The following PAK3 variants were observed in gnomAD, a reference collection of about 807,000 sequenced individuals.
The protein encoded by PAK3 is p21 (RAC1) activated kinase 3.
Under a neutral mutation model 41.0 loss-of-function variants are expected in PAK3, and 4 were observed. That is an observed-to-expected ratio of 0.10 (90% CI 0.05 to 0.22). PAK3 has a LOEUF of 0.22. Ranked by LOEUF, PAK3 falls within the 10% of genes least tolerant of loss-of-function variation. The pLI is 1.00. For missense variants in PAK3, 205 were observed against 409.9 expected, an observed-to-expected ratio of 0.50 and a Z score of 4.32; for synonymous variants, 146 against 139.6, an observed-to-expected ratio of 1.05 and a Z score of -0.32.
intron 1 of PAK3, among the ~76,000 whole-genome samples, chrX:110,969,852 G>T (rs754865416): frequency 1.3e-3 from 143 of 111,769 alleles, no homozygotes; most frequent in Non-Finnish European, 1.3e-3. Context: ...GAATTATATT[G>T]TCTATAGCCA....
intron 4 of PAK3, among the ~76,000 whole-genome samples, chrX:111,121,763 C>A (rs1477048337): frequency 9.0e-6 from 1 of 111,709 alleles, no homozygotes; most frequent in East Asian, 2.8e-4. Flanking sequence ...TGAATTCAAA[C>A]TGGGGATTCA....
At chrX:111,172,803 A>G (rs2094360481) in intron 10 of PAK3, among the ~76,000 whole-genome samples, 1 of 111,666 alleles carries the variant, frequency 9.0e-6, no homozygotes, top group South Asian at 3.7e-4. Context: ...TAATTACTAT[A>G]AAACTATTTG....
intron 17 of PAK3, chrX:111,217,384 T>G (rs2094890676): frequency 2.3e-6 from 1 of 436,172 alleles, no homozygotes; most frequent in Admixed American, 3.2e-5. Context: ...TGAAGACATT[T>G]AACATCTAAG....
At chrX:111,022,757 A>C (rs943146089) in intron 1 of PAK3, among the ~76,000 whole-genome samples, 3 of 111,554 alleles carry the variant, frequency 2.7e-5, no homozygotes, top group Non-Finnish European at 5.6e-5. Context: ...AATAGATATG[A>C]ATTCAACAAC....
intron 1 of PAK3, among the ~76,000 whole-genome samples, chrX:110,983,066 T>C (rs2091474676): frequency 1.8e-5 from 2 of 111,655 alleles, no homozygotes; most frequent in African/African-American, 6.5e-5. Flanking sequence ...TGACTTTCCC[T>C]ACAGAAGATG....
At chrX:111,066,012 C>T (rs1467402572) in intron 1 of PAK3, among the ~76,000 whole-genome samples, 2 of 111,851 alleles carry the variant, frequency 1.8e-5, no homozygotes, top group South Asian at 3.7e-4. Context: ...CTTTTGGTTT[C>T]GTTTATTCCT....
At chrX:111,086,061 TTGTGTGTGTG>T (rs754802946) in intron 1 of PAK3, among the ~76,000 whole-genome samples, 18 of 81,759 alleles carry the variant, frequency 2.2e-4, no homozygotes, top group African/African-American at 5.3e-4. Flanking sequence ...TGATGTCAGC[TTGTGTGTGTG>T]TGTGTGTGTG....
At chrX:111,147,676 A>G (rs1165354842) in intron 6 of PAK3, 61 bp from the exon 7 acceptor site, 11 of 836,881 alleles carry the variant, frequency 1.3e-5, no homozygotes, top group Non-Finnish European at 1.8e-5. Flanking sequence ...CTTTACTGGA[A>G]CATAAAAATG....
chrX:111,211,674 CAAA>C (rs200390666), intron 16 of PAK3, among the ~76,000 whole-genome samples: 4 of 55,142 alleles, frequency 7.3e-5, no homozygotes, highest in Admixed American at 4.5e-4. Flanking sequence ...GACTTTGTCT[CAAA>C]AAAAAAAAAA....
chrX:111,216,897 C>T (rs759650172), intron 17 of PAK3: 34 of 745,135 alleles, frequency 4.6e-5, no homozygotes, highest in South Asian at 2.1e-4. Context: ...TGCTCTTGGC[C>T]GGAGGTAATT....
rs771870405 is a variant in PAK3, at chrX:111,134,976, G to C, written c.176-7120G>C. On this transcript the variant is annotated intron_variant, in intron 5 of 17. Coordinates refer to ENST00000372007, the MANE Select transcript of PAK3 (RefSeq NM_002578.5). ...GAGGGCTTATCTATGCCATGCTAAG[G>C]GCTTTAAATTTGATTCTGAAGGCAA... 7.2e-5 allele frequency among the ~76,000 whole-genome samples: 8 copies of C among 111,487 alleles called. No homozygotes were observed. The East Asian group carries it at 2.3e-3, about 32-fold the overall frequency.
intron 1 of PAK3, among the ~76,000 whole-genome samples, chrX:110,996,944 A>T (rs1175187965): frequency 8.9e-6 from 1 of 111,885 alleles, no homozygotes; most frequent in South Asian, 3.8e-4. Flanking sequence ...GGAGATATAA[A>T]TTTTTTGGAG....
intron 1 of PAK3, among the ~76,000 whole-genome samples, chrX:110,951,485 A>T (rs1342273654): frequency 8.9e-6 from 1 of 112,143 alleles, no homozygotes; most frequent in Admixed American, 9.5e-5. Flanking sequence ...GATATTGCCA[A>T]ATTGCTTTCT....
At chrX:111,000,595 A>G (rs751666773) in intron 1 of PAK3, among the ~76,000 whole-genome samples, 62 of 111,987 alleles carry the variant, frequency 5.5e-4, no homozygotes, top group South Asian at 1.5e-3. Context: ...GAAAATGTGA[A>G]TAAGGTCTGT....
intron 1 of PAK3, among the ~76,000 whole-genome samples, chrX:111,036,972 T>G (rs930335062): frequency 1.8e-5 from 2 of 111,621 alleles, no homozygotes; most frequent in African/African-American, 6.5e-5. Flanking sequence ...TGAGCCAGAG[T>G]CTCGCTCTGT....
intron 11 of PAK3, among the ~76,000 whole-genome samples, chrX:111,177,798 A>C (rs754170034): frequency 6.7e-4 from 75 of 112,006 alleles, no homozygotes; most frequent in Non-Finnish European, 1.1e-3. Context: ...CTGAATTTAC[A>C]ATGTTGGCAG....
intron 14 of PAK3, among the ~76,000 whole-genome samples, chrX:111,195,268 G>A (rs1337314242): frequency 1.8e-5 from 2 of 110,840 alleles, no homozygotes; most frequent in Non-Finnish European, 3.8e-5. Context: ...AAACATATAT[G>A]TTTTCTATTC....
At chrX:111,052,929 A>C (rs999878847) in intron 1 of PAK3, among the ~76,000 whole-genome samples, 7 of 112,469 alleles carry the variant, frequency 6.2e-5, no homozygotes, top group African/African-American at 2.3e-4. Flanking sequence ...GTTATTAAAT[A>C]ATAAGCCATA....
chrX:111,160,440 C>CATTTT (rs60050367), intron 8 of PAK3, among the ~76,000 whole-genome samples: 9,207 of 107,495 alleles, frequency 0.086, 1,220 homozygotes, highest in African/African-American at 0.31. Context: ...AGGCTAGCCA[C>CATTTT]ATTTTATTTT....
Sources: allele counts gnomAD v4.1 joint callset (sites outside exome capture counted in the v4.1 genomes callset), GRCh38; gene constraint gnomAD v4.1.1; transcripts MANE v1.5; gene names NCBI Gene and HGNC (gene_info 2026-07-23, HGNC 2026-07-21).